The following MYO10 variants were observed in gnomAD, a reference collection of about 807,000 sequenced individuals.
MYO10 encodes the protein unconventional myosin-X.
A neutral mutation model predicts 257.3 loss-of-function variants in MYO10; 133 were observed. The ratio of observed to expected loss-of-function variants is 0.52; its 90% CI spans 0.45 to 0.60. The LOEUF is 0.60. MYO10 is among the 20% of genes least tolerant of loss of function. MYO10 has a pLI of 0.00. For synonymous variants in MYO10, 1,104 were observed against 1,028.6 expected (o/e 1.07, Z -1.40); for missense variants, 2,399 against 2,635.7 (o/e 0.91, Z 1.97).
chr5:16,674,795 G>A lies in MYO10; in HGVS notation c.4964+58C>T, dbSNP rs949730469. On this transcript the variant is annotated intron_variant, in intron 35 of 40. Coordinates refer to ENST00000513610, the MANE Select transcript of MYO10 (RefSeq NM_012334.3). ...GCCTCTTTATCTGAACGAGGACCCA[G>A]TGCCCCACCTGTGTAAGCAGCTCTG... 6 of 1,583,478 alleles carry A rather than the reference G, an allele frequency of 3.8e-6. No individual in the cohort carries two copies. In the African/African-American group the frequency reaches 8.1e-5, roughly 21 times the overall value.
intron 2 of MYO10, among the ~76,000 whole-genome samples, chr5:16,842,928 A>G (rs1398189500): frequency 2.8e-5 from 3 of 108,598 alleles, no homozygotes; most frequent in Admixed American, 9.9e-5. Flanking sequence ...AGAAAAAGGA[A>G]AAAAAAAAAA....
chr5:16,785,673 C>T (rs1741557883), intron 4 of MYO10, among the ~76,000 whole-genome samples: 1 of 151,990 alleles, frequency 6.6e-6, no homozygotes, highest in Non-Finnish European at 1.5e-5. Flanking sequence ...AGTTTGAGAC[C>T]AGCCTGGCTA....
intron 4 of MYO10, among the ~76,000 whole-genome samples, chr5:16,790,595 CTT>C (rs1741722169): frequency 6.6e-6 from 1 of 152,170 alleles, no homozygotes. Context: ...TTCACTGTCT[CTT>C]TGCCTGCTTC....
rs1458295397 is a variant in MYO10 at position 16,662,144 on chromosome 5, A to G, written c.*4548T>C. 2.0e-5 allele frequency: 3 copies of G among 152,046 alleles called. No individual in the cohort carries two copies. The highest frequency in any genetic ancestry group is 4.4e-5 in the Non-Finnish European group (3 of 68,026). The allele number at this position is 152,046 out of a possible 1,614,324, so 9.4% of individuals were successfully genotyped here. On this transcript the variant is annotated 3_prime_UTR_variant, in exon 41 of 41. Coordinates refer to ENST00000513610, the MANE Select transcript of MYO10 (RefSeq NM_012334.3). ...ATGCACTTGTTTTGTCCCCTATTAC[A>G]GTATAAACTTTTGGTGAATAGGGAT...
intron 1 of MYO10, among the ~76,000 whole-genome samples, chr5:16,924,972 A>C (rs2126803943): frequency 6.6e-6 from 1 of 151,892 alleles, no homozygotes; most frequent in South Asian, 2.1e-4. Flanking sequence ...CTGGGACTAC[A>C]GGTGCCCACC....
rs35350390 is a variant in MYO10, at chr5:16,715,609, CT to C, written c.1930-4365del. Reference sequence around the variant, plus strand: ...GCCACCTCACCCAGCCTGGGGGTTTCTTTTTGAGGTGACGAAAATGTTCTAA... The same window carrying C: ...GCCACCTCACCCAGCCTGGGGGTTTCTTTTGAGGTGACGAAAATGTTCTAA... On this transcript the variant is annotated intron_variant, in intron 19 of 40. Transcript: ENST00000513610. 5.3e-3 allele frequency among the ~76,000 whole-genome samples: 792 copies of C among 149,818 alleles called. 10 individuals are homozygous for C. The highest frequency in any genetic ancestry group is 0.019 in the African/African-American group (763 of 40,820).
chr5:16,832,093 C>T (rs762416928), intron 2 of MYO10, among the ~76,000 whole-genome samples: 7 of 152,090 alleles, frequency 4.6e-5, no homozygotes, highest in Non-Finnish European at 7.3e-5. Flanking sequence ...ACTACAGGCG[C>T]ATGCCACCAC....
At chr5:16,859,837 C>A (rs1580083355) in intron 2 of MYO10, among the ~76,000 whole-genome samples, 1 of 152,304 alleles carries the variant, frequency 6.6e-6, no homozygotes, top group Non-Finnish European at 1.5e-5. Flanking sequence ...ACCCCCAGAG[C>A]TGTTCACTCC....
chr5:16,666,441 T>C lies in MYO10; in HGVS notation c.*251A>G, dbSNP rs1718606487. 1 of 410,314 alleles carries C rather than the reference T, an allele frequency of 2.4e-6. No individual in the cohort carries two copies. The allele number at this position is 410,314 out of a possible 1,614,324, so 25.4% of individuals were successfully genotyped here. A position where few individuals can be genotyped will look rare whatever the true frequency, so the allele number is the denominator to read the frequency against. On this transcript the variant is annotated 3_prime_UTR_variant, in exon 41 of 41. Transcript: ENST00000513610. ...GGCAGCGTGGTTCCTCCCCTCCTTTTTTAAGGCATGTGTCCTCTAAGAGTA... is the reference window on the plus strand; with the variant it reads ...GGCAGCGTGGTTCCTCCCCTCCTTTCTTAAGGCATGTGTCCTCTAAGAGTA...
intron 1 of MYO10, among the ~76,000 whole-genome samples, chr5:16,935,110 A>G (rs1214118613): frequency 6.6e-6 from 1 of 152,218 alleles, no homozygotes; most frequent in Non-Finnish European, 1.5e-5. Flanking sequence ...GACCCTAAAG[A>G]GGGCATCCGT....
In MYO10 at chr5:16,704,108, C is replaced by T. The variant is rs540914395; in HGVS notation, c.2276+471G>A. Among the ~76,000 whole-genome samples, 4 of 151,938 alleles carry T rather than the reference C, an allele frequency of 2.6e-5. No individual in the cohort carries two copies. In the South Asian group the frequency reaches 8.3e-4, roughly 32 times the overall value. The stretch of plus-strand genomic sequence containing the variant: ...TTGTCAGCCGGGAGGATCCCATGAG[C>T]CCAGGAGTTTGAGACCCTCCTGGGC... On this transcript the variant is annotated intron_variant, in intron 22 of 40. Transcript: ENST00000513610.
chr5:16,739,087 G>A (rs1006152820), intron 19 of MYO10, among the ~76,000 whole-genome samples: 5 of 150,706 alleles, frequency 3.3e-5, no homozygotes, highest in South Asian at 4.2e-4. Flanking sequence ...CTCCAGTGCC[G>A]AGGCAGGAGG....
intron 2 of MYO10, among the ~76,000 whole-genome samples, chr5:16,832,538 A>C (rs1262984738): frequency 6.6e-6 from 1 of 152,176 alleles, no homozygotes; most frequent in Admixed American, 6.5e-5. Context: ...AGAGAAATTC[A>C]AGAGGCATGG....
intron 1 of MYO10, among the ~76,000 whole-genome samples, chr5:16,886,057 G>A (rs182778692): frequency 4.6e-5 from 7 of 152,294 alleles, no homozygotes; most frequent in Admixed American, 6.5e-5. Context: ...TTTTAAACCC[G>A]AAGCTGGCAA....
rs192089081 is a variant in MYO10, at chr5:16,869,275, A to G, written c.120+8334T>C. Among the ~76,000 whole-genome samples, 101 of 146,458 alleles carry G rather than the reference A, an allele frequency of 6.9e-4. No homozygotes were observed. In the Middle Eastern group the frequency reaches 0.011, roughly 16 times the overall value. ...AGGATGGTCTCGATCTCCTGACCTC[A>G]TGATCCACCCACCTCGGCCTCCCAA... On this transcript the variant is annotated intron_variant, in intron 2 of 40. Transcript: ENST00000513610.
chr5:16,829,507 C>T (rs1462645092), intron 2 of MYO10, among the ~76,000 whole-genome samples: 1 of 152,190 alleles, frequency 6.6e-6, no homozygotes, highest in Non-Finnish European at 1.5e-5. Context: ...TTCTTCCTGC[C>T]GTCATGTACA....
intron 6 of MYO10, 92 bp from the exon 7 acceptor site, chr5:16,780,833 A>T (rs188346101): frequency 1.6e-6 from 2 of 1,285,764 alleles, no homozygotes; most frequent in African/African-American, 3.0e-5. Flanking sequence ...TTGGTGCTCA[A>T]ATAATTACAG....
Position 16,668,404 on chromosome 5 carries a change from T to C in MYO10, c.5948A>G (p.Tyr1983Cys). 6.2e-7 allele frequency: 1 copy of C among 1,613,878 alleles called. No individual in the cohort carries two copies. Among genetic ancestry groups the C allele is most frequent in the Non-Finnish European group, 8.5e-7 (1 of 1,179,810 alleles). ...CAGTGGTCTTCCCTCTCCACGCTTG[T>C]AGACGGAGACGGCGTCCGCGCTGAC... ...LGVSADAVSV[Y>C]KRGEGRPLEV... The change falls in exon 40 of 41, where the codon TAC becomes TGC. Residue 1983 changes from tyrosine to cysteine, a missense_variant. Around this residue, in one of 3 missense-constraint regions of MYO10, gnomAD observed 1,820 missense variants for 1,939.4 expected, o/e 0.94. Coordinates refer to ENST00000513610, the MANE Select transcript of MYO10 (RefSeq NM_012334.3).
chr5:16,719,979 TGTGTGCGTGC>T (rs1266673921), intron 19 of MYO10, among the ~76,000 whole-genome samples: 2 of 126,598 alleles, frequency 1.6e-5, no homozygotes, highest in East Asian at 2.3e-4. Flanking sequence ...GAAATAAATG[TGTGTGCGTGC>T]GTGTGTGTGT....
Sources: allele counts gnomAD v4.1 joint callset (sites outside exome capture counted in the v4.1 genomes callset), GRCh38; gene constraint gnomAD v4.1.1; regional missense constraint gnomAD v4.1.1; transcripts MANE v1.5; gene names NCBI Gene and HGNC (gene_info 2026-07-23, HGNC 2026-07-21).